The following DNAH3 variants were observed in gnomAD, a reference collection of about 807,000 sequenced individuals.
The protein encoded by DNAH3 is axonemal beta dynein heavy chain 3.
Under a neutral mutation model 432.5 loss-of-function variants are expected in DNAH3, and 332 were observed. The ratio of observed to expected loss-of-function variants is 0.77; its 90% CI spans 0.70 to 0.84. The LOEUF (loss-of-function observed/expected upper bound fraction) is 0.84. Ranked by LOEUF, DNAH3 falls within the 40% of genes least tolerant of loss-of-function variation. The pLI is 0.00. For missense variants in DNAH3, 4,861 were observed against 5,114.0 expected, an observed-to-expected ratio of 0.95 and a Z score of 1.51; for synonymous variants, 1,956 against 1,900.2, an observed-to-expected ratio of 1.03 and a Z score of -0.76.
chr16:21,057,723 G>A (rs1490006863), intron 27 of DNAH3, among the ~76,000 whole-genome samples: 2 of 152,160 alleles, frequency 1.3e-5, no homozygotes, highest in African/African-American at 4.8e-5. Context: ...TGATGAGAAG[G>A]AGGCTGTAAA....
At chr16:21,134,129 G>T in intron 7 of DNAH3, 130 bp downstream of exon 8, 1 of 889,410 alleles carries the variant, frequency 1.1e-6, no homozygotes, top group Non-Finnish European at 1.7e-6. Flanking sequence ...TGCATATTTG[G>T]CCTAGATTTT....
At chr16:20,965,226 C>T (rs773698828) in exon 53 of DNAH3, 15 of 1,613,930 alleles carry the variant, frequency 9.3e-6, no homozygotes, top group Non-Finnish European at 1.3e-5. Flanking sequence ...CCCTCACCCA[C>T]TTGCACAGAC....
exon 54 of DNAH3, chr16:20,959,394 C>T (rs2084711520): frequency 5.0e-6 from 8 of 1,612,082 alleles, no homozygotes; most frequent in Non-Finnish European, 6.8e-6. Flanking sequence ...CATCAGCAAA[C>T]TTCAGCAGGC....
At chr16:20,986,424 T>G (rs533432569) in intron 47 of DNAH3, among the ~76,000 whole-genome samples, 35 of 152,168 alleles carry the variant, frequency 2.3e-4, no homozygotes, top group African/African-American at 8.4e-4. Flanking sequence ...GGAGGACTGC[T>G]TGAGCCCAGG....
At chr16:21,150,000 C>T (rs943050997) in intron 1 of DNAH3, among the ~76,000 whole-genome samples, 1 of 151,858 alleles carries the variant, frequency 6.6e-6, no homozygotes, top group Non-Finnish European at 1.5e-5. Context: ...CTGAGGCAGG[C>T]GGATCTCCTG....
intron 29 of DNAH3, among the ~76,000 whole-genome samples, chr16:21,050,919 CT>C (rs1161140022): frequency 6.6e-6 from 1 of 152,138 alleles, no homozygotes; most frequent in Admixed American, 6.5e-5. Context: ...AGCACTCTAT[CT>C]TGTAATCATT....
intron 3 of DNAH3, among the ~76,000 whole-genome samples, chr16:21,142,646 C>A (rs990583182): frequency 6.7e-5 from 10 of 148,788 alleles, no homozygotes; most frequent in African/African-American, 1.5e-4. Context: ...AACAACAATA[C>A]AAAAATCCTT....
At chr16:21,145,944 C>T in intron 2 of DNAH3, 40 bp downstream of exon 3, 1 of 1,332,350 alleles carries the variant, frequency 7.5e-7, no homozygotes, top group Middle Eastern at 1.8e-4. Context: ...ACTTCACCTC[C>T]TCACCCTCAA....
intron 60 of DNAH3, 52 bp downstream of exon 60, chr16:20,936,597 C>G (rs1401442336): frequency 4.0e-6 from 6 of 1,509,236 alleles, no homozygotes; most frequent in Non-Finnish European, 5.4e-6. Context: ...AGAATGTCCT[C>G]TCCACCTAAG....
intron 18 of DNAH3, 74 bp from the exon 19 acceptor site, chr16:21,087,134 C>A (rs2091404276): frequency 3.1e-6 from 4 of 1,271,376 alleles, no homozygotes; most frequent in Non-Finnish European, 4.6e-6. Context: ...ATTCCCTGAA[C>A]TTAGAGCTGT....
chr16:21,048,261 G>A (rs1386973991), intron 31 of DNAH3, among the ~76,000 whole-genome samples: 14 of 152,188 alleles, frequency 9.2e-5, no homozygotes, highest in Non-Finnish European at 1.3e-4. Flanking sequence ...AATGGCGGGC[G>A]CCCCTCCCCC....
chr16:21,126,203 T>C (rs2092443135), intron 8 of DNAH3, among the ~76,000 whole-genome samples: 1 of 151,902 alleles, frequency 6.6e-6, no homozygotes, highest in African/African-American at 2.4e-5. Flanking sequence ...CAAAAAGAAA[T>C]AGATGCTTCA....
At position 21,035,966 on chromosome 16, in the gene DNAH3, C is replaced by A. The variant is rs190457146; in HGVS notation, c.5085+748G>T. Among the ~76,000 whole-genome samples, 440 of 152,218 alleles carry A rather than the reference C, an allele frequency of 2.9e-3. 12 individuals are homozygous for A. Among genetic ancestry groups the A allele is most frequent in the Middle Eastern group, 3.4e-3 (1 of 294 alleles). On this transcript the variant is annotated intron_variant, in intron 35 of 61. Coordinates refer to ENST00000261383, the Ensembl canonical transcript of DNAH3. ...GTTGATAATGATATAGTATCAGGTA[C>A]TATGTGTAGCACTTTACACACCTCT...
chr16:21,124,280 A>G (rs926503167), intron 9 of DNAH3, among the ~76,000 whole-genome samples: 2 of 151,928 alleles, frequency 1.3e-5, no homozygotes, highest in Non-Finnish European at 2.9e-5. Context: ...ACCTTTTCCA[A>G]CCCCTTCTTG....
At chr16:20,988,417 T>C (rs979504191) in intron 44 of DNAH3, among the ~76,000 whole-genome samples, 2 of 152,152 alleles carry the variant, frequency 1.3e-5, no homozygotes, top group African/African-American at 4.8e-5. Context: ...TGTTGTATTA[T>C]ATTACATTAC....
At chr16:20,972,292 G>A (rs1201745928) in intron 51 of DNAH3, among the ~76,000 whole-genome samples, 1 of 150,914 alleles carries the variant, frequency 6.6e-6, no homozygotes, top group African/African-American at 2.4e-5. Context: ...AGAGTGCAGT[G>A]GTGGGATCAT....
chr16:21,081,743 G>A lies in DNAH3; in HGVS notation c.2878-16C>T, dbSNP rs1567758013. 3.7e-6 allele frequency: 6 copies of A among 1,610,086 alleles called. No homozygotes were observed. Among genetic ancestry groups the A allele is most frequent in the Admixed American group, 1.7e-5 (1 of 59,896 alleles). ...TCTCACTGATCTGCAAAGAAAAGAG[G>A]AAAGCAAATGTTTGTTGTCCGAGGC... On this transcript the variant is annotated splice_polypyrimidine_tract_variant and intron_variant, in intron 19 of 61. Coordinates refer to ENST00000261383, the Ensembl canonical transcript of DNAH3.
chr16:21,134,573 G>C, intron 6 of DNAH3, 119 bp from the exon 8 acceptor site: 1 of 851,612 alleles, frequency 1.2e-6, no homozygotes, highest in Non-Finnish European at 1.7e-6. Flanking sequence ...GGCCAGGCTG[G>C]TCTCAAACTC....
At chr16:21,102,131 G>A (rs1396833841) in intron 16 of DNAH3, among the ~76,000 whole-genome samples, 1 of 152,192 alleles carries the variant, frequency 6.6e-6, no homozygotes, top group Non-Finnish European at 1.5e-5. Context: ...GTTCACCGAA[G>A]AGAGGGGTGA....
Sources: allele counts gnomAD v4.1 joint callset (sites outside exome capture counted in the v4.1 genomes callset), GRCh38; gene constraint gnomAD v4.1.1; transcripts MANE v1.5; gene names NCBI Gene and HGNC (gene_info 2026-07-23, HGNC 2026-07-21).